DPH6: variants seen among roughly 807,000 people sequenced by gnomAD.
DPH6 encodes the protein diphthamine biosynthesis 6, also known as diphthine--ammonia ligase.
In DPH6, 33 loss-of-function variants were observed where a neutral mutation model predicts 38.2. That is an observed-to-expected ratio of 0.86 (90% CI 0.65 to 1.15). DPH6 has a LOEUF of 1.15. DPH6 is among the 50% of genes most tolerant of loss of function. The pLI, the probability that DPH6 is intolerant of heterozygous loss-of-function variation, is 0.00. For synonymous variants in DPH6, 108 were observed against 103.0 expected (o/e 1.05, Z -0.30); for missense variants, 325 against 320.0 (o/e 1.02, Z -0.12).
intron 3 of DPH6, among the ~76,000 whole-genome samples, chr15:35,534,883 C>T (rs1221122032): frequency 1.1e-4 from 16 of 152,208 alleles, no homozygotes. Context: ...TTAGGTCTCA[C>T]ATCCACACAT....
At chr15:35,363,698 T>C (rs1350241743) in intron 3 of DPH6, among the ~76,000 whole-genome samples, 1 of 152,060 alleles carries the variant, frequency 6.6e-6, no homozygotes, top group East Asian at 1.9e-4. Flanking sequence ...TATTTTAGCT[T>C]ACTGTTTTGC....
chr15:35,544,184 G>A (rs932028277), intron 1 of DPH6, among the ~76,000 whole-genome samples: 2 of 152,148 alleles, frequency 1.3e-5, no homozygotes, highest in African/African-American at 4.8e-5. Context: ...GTTATTCAAT[G>A]TGCTTAGGTT....
intron 5 of DPH6, among the ~76,000 whole-genome samples, chr15:35,440,719 T>A (rs1173190687): frequency 6.6e-6 from 1 of 152,194 alleles, no homozygotes. Context: ...GGGGTCTGCA[T>A]GATCACTGGG....
At chr15:35,528,212 C>T (rs551007598) in intron 3 of DPH6, among the ~76,000 whole-genome samples, 12 of 152,236 alleles carry the variant, frequency 7.9e-5, no homozygotes, top group African/African-American at 2.9e-4. Flanking sequence ...TAAACTATTT[C>T]AGTTGATACA....
chr15:35,218,970 T>C (rs539351072), exon 4 of DPH6: 5 of 152,322 alleles, frequency 3.3e-5, no homozygotes, highest in African/African-American at 1.2e-4. Context: ...AAGATGATAG[T>C]AGCTAGGATT....
chr15:35,242,423 C>T (rs187222514), intron 3 of DPH6, among the ~76,000 whole-genome samples: 4,368 of 142,866 alleles, frequency 0.031, 592 homozygotes, highest in African/African-American at 0.11. Flanking sequence ...CTGCCTGCAG[C>T]GGCTGCCGCT....
At chr15:35,522,218 T>A in intron 3 of DPH6, 2 of 1,613,334 alleles carry the variant, frequency 1.2e-6, no homozygotes, top group Non-Finnish European at 1.7e-6. Context: ...TTCAAATGCA[T>A]GTGAAAATCT....
At chr15:35,356,825 T>C (rs1313307411) in intron 3 of DPH6, among the ~76,000 whole-genome samples, 1 of 152,208 alleles carries the variant, frequency 6.6e-6, no homozygotes, top group Non-Finnish European at 1.5e-5. Flanking sequence ...GACAGGGACA[T>C]TTAAAACTGC....
At chr15:35,212,949 A>G (rs1447173074), downstream of DPH6, among the ~76,000 whole-genome samples, 2 of 152,234 alleles carry the variant, frequency 1.3e-5, no homozygotes, top group Non-Finnish European at 2.9e-5. Context: ...CAACAAAATA[A>G]TTTATATTTG....
At chr15:35,530,249 C>T (rs181935495) in intron 3 of DPH6, among the ~76,000 whole-genome samples, 76 of 152,186 alleles carry the variant, frequency 5.0e-4, no homozygotes, top group African/African-American at 1.8e-3. Flanking sequence ...GACAACACAA[C>T]TCCAGAAGGA....
At chr15:35,486,459 G>C (rs1056025136) in intron 3 of DPH6, among the ~76,000 whole-genome samples, 19 of 152,160 alleles carry the variant, frequency 1.2e-4, no homozygotes. Flanking sequence ...CAAAGGGGAA[G>C]CAAGGCATGT....
intron 3 of DPH6, among the ~76,000 whole-genome samples, chr15:35,313,457 C>A (rs75340664): frequency 2.0e-5 from 3 of 151,692 alleles, no homozygotes. Context: ...AATATTAATT[C>A]TTCCAATCCA....
At chr15:35,207,848 T>A in the DPH6 span, among the ~76,000 whole-genome samples, 1 of 152,208 alleles carries the variant, frequency 6.6e-6, no homozygotes, top group Non-Finnish European at 1.5e-5. Flanking sequence ...TTAACTAAAC[T>A]GGAAATTAAA....
At chr15:35,529,720 A>G (rs1397980100) in intron 3 of DPH6, among the ~76,000 whole-genome samples, 2 of 152,160 alleles carry the variant, frequency 1.3e-5, no homozygotes, top group Non-Finnish European at 2.9e-5. Flanking sequence ...ATAAGCATTG[A>G]ATTAATGTTT....
At chr15:35,345,065 T>G (rs1018572418) in intron 3 of DPH6, among the ~76,000 whole-genome samples, 4 of 151,888 alleles carry the variant, frequency 2.6e-5, no homozygotes, top group African/African-American at 9.6e-5. Context: ...ATAAAATCAG[T>G]AGAATATAGT....
intron 5 of DPH6, among the ~76,000 whole-genome samples, chr15:35,449,414 T>C (rs1340814611): frequency 6.6e-6 from 1 of 152,090 alleles, no homozygotes; most frequent in African/African-American, 2.4e-5. Context: ...TAAGGTCAAA[T>C]TCTTTGACTA....
At chr15:35,542,917 TATATA>T (rs1379651367) in intron 1 of DPH6, among the ~76,000 whole-genome samples, 2 of 118,986 alleles carry the variant, frequency 1.7e-5, no homozygotes, top group African/African-American at 6.2e-5. Flanking sequence ...TTAAGGAATA[TATATA>T]ATATATATTA....
intron 3 of DPH6, among the ~76,000 whole-genome samples, chr15:35,275,651 T>C (rs1184499034): frequency 1.3e-5 from 2 of 151,442 alleles, no homozygotes; most frequent in African/African-American, 4.9e-5. Flanking sequence ...CAAACCACCA[T>C]GGAACATGTA....
At chr15:35,350,996 T>C (rs2052505816) in intron 3 of DPH6, among the ~76,000 whole-genome samples, 1 of 152,190 alleles carries the variant, frequency 6.6e-6, no homozygotes, top group Admixed American at 6.6e-5. Context: ...CTCTGGCTGA[T>C]CTATACGTTA....
Sources: allele counts gnomAD v4.1 joint callset (sites outside exome capture counted in the v4.1 genomes callset), GRCh38; gene constraint gnomAD v4.1.1; transcripts MANE v1.5; gene names NCBI Gene and HGNC (gene_info 2026-07-23, HGNC 2026-07-21).